The following GRM4 variants were observed in gnomAD, a reference collection of about 807,000 sequenced individuals.
The protein encoded by GRM4 is metabotropic glutamate receptor 4.
In GRM4, 28 loss-of-function variants were observed where a neutral mutation model predicts 81.7. The ratio of observed to expected loss-of-function variants is 0.34; its 90% CI spans 0.25 to 0.47. The LOEUF is 0.47. Ranked by LOEUF, GRM4 falls within the 20% of genes least tolerant of loss-of-function variation. GRM4 has a pLI of 1.00. For synonymous variants in GRM4, 488 were observed against 528.8 expected (o/e 0.92, Z 1.06); for missense variants, 948 against 1,290.0 (o/e 0.73, Z 4.06).
In GRM4 at chr6:34,034,316, G is replaced by A. The variant is rs1764581793; in HGVS notation, c.2442+1352C>T. 6.6e-6 allele frequency among the ~76,000 whole-genome samples: 1 copy of A among 152,082 alleles called. No individual in the cohort carries two copies. ...GCATGGTGTCCTCCTTGACTCGACT[G>A]TCTCCTCGTCTCCCACCCAACGTGC... is the stretch of plus-strand genomic sequence containing the variant. On this transcript the variant is annotated intron_variant, in intron 9 of 10. Coordinates refer to ENST00000538487, the MANE Select transcript of GRM4 (RefSeq NM_000841.4). The surrounding 1 kb of genome is among the most constrained non-coding windows in gnomAD (Gnocchi z 4.0).
intron 1 of GRM4, among the ~76,000 whole-genome samples, chr6:34,153,534 C>T (rs1771089210): frequency 6.6e-6 from 1 of 152,260 alleles, no homozygotes; most frequent in Non-Finnish European, 1.5e-5. Flanking sequence ...GGCTGACGCT[C>T]TCCTGTGAGC....
rs147174759 is a variant in GRM4, at chr6:34,115,500, C to G, written c.519+17478G>C. 3.3e-5 allele frequency among the ~76,000 whole-genome samples: 5 copies of G among 152,332 alleles called. No individual in the cohort carries two copies. Among genetic ancestry groups the G allele is most frequent in the Middle Eastern group, 3.4e-3 (1 of 294 alleles). The stretch of plus-strand genomic sequence containing the variant: ...CCCCAAGCCCAAATTGCTGCCCCTT[C>G]CCCTGCTCCCAGCCACAAGGTCCTG... On this transcript the variant is annotated intron_variant, in intron 2 of 10. Transcript: ENST00000538487. This position sits in a 1 kb window ranked among gnomAD's most constrained non-coding sequence, Gnocchi z 4.1.
intron 1 of GRM4, among the ~76,000 whole-genome samples, chr6:34,151,316 T>C (rs1434192501): frequency 6.6e-6 from 1 of 152,056 alleles, no homozygotes; most frequent in African/African-American, 2.4e-5. Context: ...TCCTCCTCCT[T>C]CTCTCTCTTG....
rs1001585160 is a variant in GRM4, at chr6:34,061,987, G to A, written c.778C>T (p.Pro260Ser). The change falls in exon 4 of 11, where the codon CCC becomes TCC. Residue 260 changes from proline to serine, a missense_variant. By Grantham distance (74) the Pro-to-Ser change is moderately conservative. Transcript: ENST00000538487. ...ATCTTGTCGAACTCGCCTGCCTTGG[G>A]CTCCCGTGGTATCTTCACCGACTGG... ...IAQSVKIPRE[P>S]KAGEFDKIIR... 3.1e-6 allele frequency: 5 copies of A among 1,613,764 alleles called. No individual in the cohort carries two copies. The highest frequency in any genetic ancestry group is 1.3e-5 in the African/African-American group (1 of 74,936).
chr6:34,084,242 C>T (rs1767762319), intron 3 of GRM4, among the ~76,000 whole-genome samples: 1 of 152,218 alleles, frequency 6.6e-6, no homozygotes, highest in Non-Finnish European at 1.5e-5. Context: ...GAGGGCTGGT[C>T]ATCTGCTCAC....
intron 2 of GRM4, chr6:34,103,705 C>T (rs1170936584): frequency 1.3e-6 from 2 of 1,525,472 alleles, no homozygotes; most frequent in Non-Finnish European, 1.7e-6. Flanking sequence ...AGCCATGCCC[C>T]CTTTTCCAAG....
chr6:34,124,443 G>A (rs972635861), intron 2 of GRM4, among the ~76,000 whole-genome samples: 1 of 152,202 alleles, frequency 6.6e-6, no homozygotes, highest in Non-Finnish European at 1.5e-5. Context: ...CTCCCCTGAC[G>A]ATGCGCACTA....
At chr6:34,073,852 A>G (rs3103429) in intron 3 of GRM4, among the ~76,000 whole-genome samples, 12,470 of 151,888 alleles carry the variant, frequency 0.082, 1,096 homozygotes, top group African/African-American at 0.21. Context: ...CACCCCTCAC[A>G]CTGCTTGGGG....
chr6:34,077,509 C>T (rs1767377100), intron 3 of GRM4, among the ~76,000 whole-genome samples: 1 of 152,102 alleles, frequency 6.6e-6, no homozygotes, highest in East Asian at 1.9e-4. Flanking sequence ...TTACAACTTT[C>T]CACCAAAACT....
chr6:34,091,020 C>G (rs1244240055), intron 3 of GRM4, among the ~76,000 whole-genome samples: 2 of 152,028 alleles, frequency 1.3e-5, no homozygotes, highest in Non-Finnish European at 2.9e-5. Flanking sequence ...CCCACAGCCC[C>G]CCAGGAGCTG....
rs1184288142 is a variant in GRM4, at chr6:34,111,479, G to A, written c.520-19380C>T. ...ACAGTGTATTTTGGGGAGCACAAGA[G>A]AGTGTTCATAACCCACCCCTGATCT... On this transcript the variant is annotated intron_variant, in intron 2 of 10. Coordinates refer to ENST00000538487, the MANE Select transcript of GRM4 (RefSeq NM_000841.4). This position sits in a 1 kb window ranked among gnomAD's most constrained non-coding sequence, Gnocchi z 5.1. Among the ~76,000 whole-genome samples the A allele has an allele frequency of 6.6e-6, 1 of 152,210 alleles. No homozygotes were observed. Among genetic ancestry groups the A allele is most frequent in the African/African-American group, 2.4e-5 (1 of 41,448 alleles).
intron 8 of GRM4, among the ~76,000 whole-genome samples, chr6:34,038,635 C>T (rs760507510): frequency 2.0e-5 from 3 of 151,904 alleles, no homozygotes; most frequent in South Asian, 2.1e-4. Context: ...GAGCCACTCA[C>T]GGAGAAAGTG....
upstream of GRM4, among the ~76,000 whole-genome samples, chr6:34,148,573 C>G (rs368901249): frequency 1.5e-4 from 23 of 152,300 alleles, no homozygotes; most frequent in East Asian, 5.8e-4. Flanking sequence ...CCTGGACCAG[C>G]TGCTCCAAGG....
chr6:34,060,452 C>G (rs147700786), intron 4 of GRM4: 1 of 152,282 alleles, frequency 6.6e-6, no homozygotes, highest in Non-Finnish European at 1.5e-5. Context: ...CCTCCTACCC[C>G]ACTTCCCGCA....
In GRM4 at chr6:34,114,085, C is replaced by T. The variant is rs149361451; in HGVS notation, c.519+18893G>A. On this transcript the variant is annotated intron_variant, in intron 2 of 10. Transcript: ENST00000538487. This position sits in a 1 kb window ranked among gnomAD's most constrained non-coding sequence, Gnocchi z 4.3. ...GTGTTCCAAAGTCCCCTCCCCAGGT[C>T]TTCCCTGACTGCCTTGTGTACAAGA... is the stretch of plus-strand genomic sequence containing the variant. 3.2e-3 allele frequency among the ~76,000 whole-genome samples: 490 copies of T among 152,292 alleles called. 3 individuals are homozygous for T. The highest frequency in any genetic ancestry group is 5.6e-3 in the Non-Finnish European group (381 of 68,024).
intron 3 of GRM4, among the ~76,000 whole-genome samples, chr6:34,083,955 G>A (rs982787296): frequency 6.6e-6 from 1 of 152,192 alleles, no homozygotes; most frequent in African/African-American, 2.4e-5. Flanking sequence ...CAAGCCCTGA[G>A]GGGTCACCCC....
intron 6 of GRM4, among the ~76,000 whole-genome samples, chr6:34,049,062 C>G (rs1765487340): frequency 6.6e-6 from 1 of 152,042 alleles, no homozygotes; most frequent in South Asian, 2.1e-4. Context: ...CTTGACCCAC[C>G]CCTCCCCAGC....
rs1473021403 is a variant in GRM4 at position 34,047,532 on chromosome 6, G to C, written c.1169-6784C>G. On this transcript the variant is annotated intron_variant, in intron 6 of 10. Coordinates refer to ENST00000538487, the MANE Select transcript of GRM4 (RefSeq NM_000841.4). The surrounding 1 kb of genome is among the most constrained non-coding windows in gnomAD (Gnocchi z 4.5). ...CCCAGAGTCACACGCTTGCTTTTCA[G>C]CCCTATACCGCAGTTTTGCCGGCCC... 6.6e-6 allele frequency among the ~76,000 whole-genome samples: 1 copy of C among 152,102 alleles called. No homozygotes were observed. The highest frequency in any genetic ancestry group is 1.5e-5 in the Non-Finnish European group (1 of 68,022).
At chr6:34,072,875 A>G (rs1767031266) in intron 3 of GRM4, among the ~76,000 whole-genome samples, 1 of 66,878 alleles carries the variant, frequency 1.5e-5, no homozygotes, top group Non-Finnish European at 3.1e-5. Context: ...ACAGATGCAC[A>G]CCCACACATC....
Sources: gnomAD v4.1 joint callset for allele counts (sites outside exome capture counted in the v4.1 genomes callset) on GRCh38, gnomAD v4.1.1 for gene constraint, Gnocchi (gnomAD v3.1) non-coding constraint, MANE v1.5 for transcripts, NCBI Gene and HGNC (gene_info 2026-07-23, HGNC 2026-07-21) for gene names.